SPIRE1: variants seen among roughly 807,000 people sequenced by gnomAD.
SPIRE1 encodes the protein protein spire homolog 1.
Under a neutral mutation model 94.1 loss-of-function variants are expected in SPIRE1, and 40 were observed. The observed-to-expected ratio is 0.43, with a 90% CI of 0.33 to 0.55. The LOEUF is 0.55. Among genes scored for constraint, SPIRE1 ranks in the 20% least tolerant of loss-of-function variants. The pLI is 0.06. For missense variants in SPIRE1, 838 were observed against 975.2 expected (o/e 0.86, Z 1.87); for synonymous variants, 376 against 371.7 (o/e 1.01, Z -0.13).
At chr18:12,574,118 C>T (rs113456326) in intron 2 of SPIRE1, among the ~76,000 whole-genome samples, 2,139 of 152,224 alleles carry the variant, frequency 0.014, 59 homozygotes, top group African/African-American at 0.049. Flanking sequence ...ATGTAGTAAA[C>T]GTACTGCATT....
chr18:12,597,885 C>G (rs2036722019), intron 2 of SPIRE1, among the ~76,000 whole-genome samples: 3 of 152,160 alleles, frequency 2.0e-5, no homozygotes, highest in Middle Eastern at 3.2e-3. Flanking sequence ...TGGACTGCCC[C>G]AGCTCACCCC....
intron 4 of SPIRE1, 63 bp from the exon 5 acceptor site, chr18:12,512,594 C>T (rs2034070666): frequency 1.0e-6 from 1 of 998,580 alleles, no homozygotes; most frequent in Non-Finnish European, 1.6e-6. Context: ...ATTAAAATTC[C>T]TAACATATCT....
Position 12,559,100 on chromosome 18 carries a change from C to A in SPIRE1, c.373-12196G>T, listed in dbSNP as rs1037215180. ...GTGCCTGCACTCCTCAGCCCTTGGGCGGTAGATGGGACCAGGCACCTTGGA... is the reference window on the plus strand; with the variant it reads ...GTGCCTGCACTCCTCAGCCCTTGGGAGGTAGATGGGACCAGGCACCTTGGA... On this transcript the variant is annotated intron_variant, in intron 2 of 16. Transcript: ENST00000409402. The surrounding 1 kb of genome is among the most constrained non-coding windows in gnomAD (Gnocchi z 4.7). Among the ~76,000 whole-genome samples, 1 of 138,626 alleles carries A rather than the reference C, an allele frequency of 7.2e-6. No individual in the cohort carries two copies. The highest frequency in any genetic ancestry group is 1.5e-5 in the Non-Finnish European group (1 of 65,226). The allele number at this position is 138,626 out of a possible 152,430, so 90.9% of individuals were successfully genotyped here. A position where few individuals can be genotyped will look rare whatever the true frequency, so the allele number is the denominator to read the frequency against.
rs761726469 is a variant in SPIRE1 at position 12,546,823 on chromosome 18, G to A, written c.454C>T (p.Pro152Ser). The A allele has an allele frequency of 1.2e-6, 2 of 1,614,014 alleles. No individual in the cohort carries two copies. The highest frequency in any genetic ancestry group is 2.2e-5 in the South Asian group (2 of 91,068). Residue 152 changes from proline (P) to serine (S), a missense_variant, in exon 3 of 17, where the codon CCC becomes TCC. Physicochemically the swap from Pro to Ser is moderately conservative, Grantham distance 74. Around this residue, in one of 2 missense-constraint regions of SPIRE1, gnomAD observed 645 missense variants for 804.7 expected, o/e 0.80. Coordinates refer to ENST00000409402, the MANE Select transcript of SPIRE1 (RefSeq NM_001128626.2). ...ATGTGATCGATAAGCTGCTCTAGGG[G>A]AGGGCTTAATTCCCTTTCTTCATTC... The part of the protein sequence containing the change: ...KENEERELSP[P>S]LEQLIDHMAN...
intron 12 of SPIRE1, among the ~76,000 whole-genome samples, chr18:12,461,579 A>G (rs990028687): frequency 4.8e-5 from 3 of 62,518 alleles, no homozygotes; most frequent in South Asian, 1.6e-3. Context: ...ATGTACATAC[A>G]TATGTATATA....
At chr18:12,600,524 C>T (rs1156738094) in intron 2 of SPIRE1, among the ~76,000 whole-genome samples, 1 of 151,818 alleles carries the variant, frequency 6.6e-6, no homozygotes, top group Non-Finnish European at 1.5e-5. Context: ...TTAACAACCA[C>T]TGATGATTTT....
intron 2 of SPIRE1, among the ~76,000 whole-genome samples, chr18:12,602,323 A>C (rs932912578): frequency 2.0e-5 from 3 of 152,160 alleles, no homozygotes; most frequent in Non-Finnish European, 2.9e-5. Flanking sequence ...AAAAGGTTTC[A>C]CTTGAGCCTT....
chr18:12,622,203 C>T (rs1377559776), intron 2 of SPIRE1, among the ~76,000 whole-genome samples: 1 of 152,154 alleles, frequency 6.6e-6, no homozygotes, highest in Non-Finnish European at 1.5e-5. Context: ...ATTTATACAA[C>T]TGCACCACTA....
Position 12,504,280 on chromosome 18 carries a change from G to A in SPIRE1, c.972+2197C>T, listed in dbSNP as rs2033760307. ...CTAGCACTTTGGGAGGCTGAGGTGG[G>A]CAGATCACCTAAGGTCAGGAGTTCG... On this transcript the variant is annotated intron_variant, in intron 6 of 16. Coordinates refer to ENST00000409402, the MANE Select transcript of SPIRE1 (RefSeq NM_001128626.2). Among the ~76,000 whole-genome samples the A allele has an allele frequency of 2.7e-5, 4 of 147,102 alleles. No homozygotes were observed. In the South Asian group the frequency reaches 8.3e-4, roughly 31 times the overall value.
intron 7 of SPIRE1, among the ~76,000 whole-genome samples, chr18:12,493,635 G>C (rs577420628): frequency 6.6e-6 from 1 of 152,250 alleles, no homozygotes; most frequent in Admixed American, 6.5e-5. Flanking sequence ...TCGATCTCCT[G>C]ATCTCAAGTG....
chr18:12,567,927 G>A (rs2035859314), intron 2 of SPIRE1, among the ~76,000 whole-genome samples: 1 of 152,148 alleles, frequency 6.6e-6, no homozygotes, highest in Admixed American at 6.5e-5. Flanking sequence ...AAAGCCATTG[G>A]TCTTTGTGAG....
At chr18:12,457,505 C>T (rs187941801) in intron 12 of SPIRE1, among the ~76,000 whole-genome samples, 276 of 152,262 alleles carry the variant, frequency 1.8e-3, no homozygotes, top group Non-Finnish European at 2.4e-3. Context: ...TGCATGTGTT[C>T]GGCCCGTTTG....
chr18:12,527,240 T>C (rs548391826), intron 4 of SPIRE1, among the ~76,000 whole-genome samples: 191 of 152,350 alleles, frequency 1.3e-3, no homozygotes, highest in African/African-American at 4.4e-3. Flanking sequence ...TTTTATTGTC[T>C]ATCATTTGTA....
intron 2 of SPIRE1, among the ~76,000 whole-genome samples, chr18:12,552,999 G>T (rs773024639): frequency 2.6e-5 from 4 of 152,138 alleles, no homozygotes; most frequent in Non-Finnish European, 4.4e-5. Context: ...GCCTTGAACA[G>T]AAGGAACCAG....
At chr18:12,462,861 A>G (rs1013530653) in intron 12 of SPIRE1, among the ~76,000 whole-genome samples, 9 of 151,438 alleles carry the variant, frequency 5.9e-5, no homozygotes, top group African/African-American at 2.2e-4. Flanking sequence ...AAAAAAAAAG[A>G]GCTCAAAATG....
intron 1 of SPIRE1, among the ~76,000 whole-genome samples, chr18:12,650,446 C>T (rs916523754): frequency 2.0e-5 from 3 of 151,054 alleles, no homozygotes; most frequent in African/African-American, 7.3e-5. Flanking sequence ...AGTGGTGGCT[C>T]ACATCTATAA....
intron 10 of SPIRE1, among the ~76,000 whole-genome samples, chr18:12,478,595 T>C (rs1037611660): frequency 1.3e-5 from 2 of 151,662 alleles, no homozygotes; most frequent in African/African-American, 4.8e-5. Context: ...TATGTATGTG[T>C]GTGTGTAGCT....
intron 2 of SPIRE1, among the ~76,000 whole-genome samples, chr18:12,576,177 T>C (rs2144503210): frequency 6.6e-6 from 1 of 151,438 alleles, no homozygotes. Flanking sequence ...CATTCCAGCC[T>C]GGGCGATATA....
In SPIRE1 at chr18:12,605,090, G is replaced by A. The variant is rs151150886; in HGVS notation, c.372+29972C>T. On this transcript the variant is annotated intron_variant, in intron 2 of 16. Coordinates refer to ENST00000409402, the MANE Select transcript of SPIRE1 (RefSeq NM_001128626.2). ...GGTGGCTGTTGGGGAAAAGGAAAAG[G>A]GGAGTTGTTATATAATGGGTAGAGT... Among the ~76,000 whole-genome samples the A allele has an allele frequency of 1.3e-3, 205 of 152,280 alleles. 1 individual carries two copies. In the Middle Eastern group the frequency reaches 0.014, roughly 10 times the overall value.
Sources: allele counts gnomAD v4.1 joint callset (sites outside exome capture counted in the v4.1 genomes callset), GRCh38; gene constraint gnomAD v4.1.1; regional missense constraint gnomAD v4.1.1; non-coding constraint Gnocchi (gnomAD v3.1); transcripts MANE v1.5; gene names NCBI Gene and HGNC (gene_info 2026-07-23, HGNC 2026-07-21).